COL5A3: variants seen among roughly 807,000 people sequenced by gnomAD.
COL5A3 encodes collagen type V alpha 3 chain, also known as collagen alpha-3(V) chain.
COL5A3 carries 172 observed loss-of-function variants against 250.0 expected under a neutral mutation model. That is an observed-to-expected ratio of 0.69 (90% CI 0.61 to 0.78). COL5A3 has a LOEUF of 0.78. Ranked by LOEUF, COL5A3 falls within the 30% of genes least tolerant of loss-of-function variation. The probability of loss-of-function intolerance (pLI) is 0.00; values close to 1 mark genes in which losing one functional copy is unlikely to be tolerated. For missense variants in COL5A3, 2,340 were observed against 2,334.4 expected, an observed-to-expected ratio of 1.00 and a Z score of -0.05; for synonymous variants, 937 against 900.4, an observed-to-expected ratio of 1.04 and a Z score of -0.73.
rs980472648 is a variant in COL5A3 at position 9,960,985 on chromosome 19, C to T, written c.4852-95G>A. On this transcript the variant is annotated intron_variant, in intron 65 of 66. Coordinates refer to ENST00000264828, the MANE Select transcript of COL5A3 (RefSeq NM_015719.4). ...GAATCTCCATCCACTGGCAGACAAG[C>T]CACCCCCCCCATGTCACCATCTCTG... is the stretch of plus-strand genomic sequence containing the variant. The T allele has an allele frequency of 6.8e-6, 10 of 1,471,076 alleles. No individual in the cohort carries two copies. In the East Asian group the frequency reaches 2.3e-4, roughly 33 times the overall value. The allele number at this position is 1,471,076 out of a possible 1,614,324, so 91.1% of individuals were successfully genotyped here. A position where few individuals can be genotyped will look rare whatever the true frequency, so the allele number is the denominator to read the frequency against.
chr19:9,966,747 C>A lies in COL5A3; in HGVS notation c.4459-1G>T. The A allele has an allele frequency of 6.5e-7, 1 of 1,532,570 alleles. No individual in the cohort carries two copies. 94.9% of individuals were successfully genotyped at this position (1,532,570 alleles called of 1,614,324 possible). A position where few individuals can be genotyped will look rare whatever the true frequency, so the allele number is the denominator to read the frequency against. On this transcript the variant is annotated splice_acceptor_variant, in intron 62 of 66. Transcript: ENST00000264828. LOFTEE classifies it high-confidence loss of function. ...GCCCATGCAGCTCGGCAGGGGCACC[C>A]TGGGCGTAGGGGATGGGGACGGAGA... is the stretch of plus-strand genomic sequence containing the variant.
intron 50 of COL5A3, 30 bp from the exon 51 acceptor site, chr19:9,973,056 G>A: frequency 6.4e-7 from 1 of 1,560,710 alleles, no homozygotes; most frequent in South Asian, 1.2e-5. Context: ...AGGTCAGAGT[G>A]GCCTGGACTC....
chr19:9,992,026 G>A lies in COL5A3; in HGVS notation c.1871C>T (p.Ala624Val), dbSNP rs2087200860. The change falls in exon 22 of 67, where the codon GCT becomes GTT. Residue 624 changes from alanine (A) to valine (V), a missense_variant. This residue lies in a region of COL5A3 where 1,152 missense variants were observed against 1,146.3 expected (regional missense o/e 1.00). Coordinates refer to ENST00000264828, the MANE Select transcript of COL5A3 (RefSeq NM_015719.4). ...TACCACATTGCCTTTGGCACCAGGA[G>A]CACCATCAATTCCAGTCACACCCTA... Reference protein sequence around the residue: ...GRPGVTGIDGAPGAKGNVGPP... With the variant: ...GRPGVTGIDGVPGAKGNVGPP... 3 of 1,613,670 alleles carry A rather than the reference G, an allele frequency of 1.9e-6. No individual in the cohort carries two copies. The highest frequency in any genetic ancestry group is 1.1e-5 in the South Asian group (1 of 91,054).
At chr19:10,001,080 C>T (rs1044326598) in intron 8 of COL5A3, among the ~76,000 whole-genome samples, 1 of 151,930 alleles carries the variant, frequency 6.6e-6, no homozygotes, top group African/African-American at 2.4e-5. Flanking sequence ...TGCACTTGTA[C>T]CCCTGAACTT....
chr19:10,001,471 T>G, intron 8 of COL5A3, 53 bp downstream of exon 8: 2 of 1,556,900 alleles, frequency 1.3e-6, no homozygotes, highest in Non-Finnish European at 8.7e-7. Context: ...TTAAAAAAAT[T>G]TTAATAGGAA....
intron 31 of COL5A3, among the ~76,000 whole-genome samples, 167 bp downstream of exon 31, chr19:9,985,675 G>C (rs1053303801): frequency 6.6e-6 from 1 of 152,082 alleles, no homozygotes; most frequent in African/African-American, 2.4e-5. Context: ...CAGGGTGCTG[G>C]GATTATAGCC....
chr19:9,975,528 C>A (rs983031856), intron 45 of COL5A3, among the ~76,000 whole-genome samples: 2 of 152,112 alleles, frequency 1.3e-5, no homozygotes, highest in Non-Finnish European at 2.9e-5. Context: ...AGGGGCAGAT[C>A]AAAGTTGAGC....
At chr19:9,973,511 GC>G in intron 50 of COL5A3, 58 bp downstream of exon 50, 1 of 1,547,042 alleles carries the variant, frequency 6.5e-7, no homozygotes. Context: ...GGCCCAAGAT[GC>G]CCAGGGGTCA....
At chr19:9,961,088 C>T (rs969680577) in intron 65 of COL5A3, among the ~76,000 whole-genome samples, 198 bp from the exon 66 acceptor site, 4 of 152,264 alleles carry the variant, frequency 2.6e-5, no homozygotes, top group African/African-American at 9.6e-5. Context: ...TCCACCTCTC[C>T]ATCCAGTAGG....
At chr19:9,966,475 A>G (rs747211641) in intron 63 of COL5A3, 49 bp from the exon 64 acceptor site, 2 of 1,566,256 alleles carry the variant, frequency 1.3e-6, no homozygotes, top group South Asian at 1.2e-5. Flanking sequence ...GACCCGACGG[A>G]CCCCAACCCC....
At position 9,974,215 on chromosome 19, in the gene COL5A3, C is replaced by G. The variant is rs756348875; in HGVS notation, c.3460G>C (p.Gly1154Arg). 6.2e-7 allele frequency: 1 copy of G among 1,614,034 alleles called. No homozygotes were observed. The highest frequency in any genetic ancestry group is 8.5e-7 in the Non-Finnish European group (1 of 1,179,978). The change falls in exon 47 of 67, where the codon GGC (glycine) becomes CGC (arginine). Residue 1154 changes from glycine (G) to arginine (R), a missense_variant. Gly to Arg is a moderately radical substitution (Grantham distance 125). Around this residue, in one of 3 missense-constraint regions of COL5A3, gnomAD observed 1,179 missense variants for 1,162.6 expected, o/e 1.01. Transcript: ENST00000264828. ...ACCTCCCCTTTCTCTCCCGGAGGGC[C>G]TGGCAGCCCCTGTGGAACAAAGAAG... ...IGPPGLQGLP[G>R]PPGEKGEVGD...
chr19:9,970,606 G>A lies in COL5A3; in HGVS notation c.3936+16C>T. On this transcript the variant is annotated intron_variant, in intron 54 of 66. Transcript: ENST00000264828. ...TGTAGATAAGCTGAGGACCCAGGAG[G>A]TGGCTTATCACTTACCCTCTTGCCG... 3 of 1,429,796 alleles carry A rather than the reference G, an allele frequency of 2.1e-6. No homozygotes were observed. The highest frequency in any genetic ancestry group is 2.9e-5 in the Admixed American group (1 of 34,326). 88.6% of individuals were successfully genotyped at this position (1,429,796 alleles called of 1,614,324 possible).
rs148553642 is a variant in COL5A3, at chr19:9,991,441, C to G, written c.1992+169G>C. ...CTTGGTGGGTTTCTGTTTCTTGCAA[C>G]CAATCCTTCCCCAACAAGGACACTT... On this transcript the variant is annotated intron_variant, in intron 24 of 66. Transcript: ENST00000264828. Among the ~76,000 whole-genome samples, 481 of 152,206 alleles carry G rather than the reference C, an allele frequency of 3.2e-3. 2 individuals carry two copies. Among genetic ancestry groups the G allele is most frequent in the African/African-American group, 0.011 (461 of 41,514 alleles).
At chr19:9,971,141 G>T in intron 52 of COL5A3, 64 bp downstream of exon 52, 1 of 1,416,628 alleles carries the variant, frequency 7.1e-7, no homozygotes, top group Non-Finnish European at 9.5e-7. Flanking sequence ...CCAGGTCTGT[G>T]GGGGTAGGGA....
In COL5A3 at chr19:10,001,721, C is replaced by T. The variant is rs1177623768; in HGVS notation, c.963+47G>A. 4 of 1,612,420 alleles carry T rather than the reference C, an allele frequency of 2.5e-6. No individual in the cohort carries two copies. The Admixed American group carries it at 6.7e-5, about 27-fold the overall frequency. ...TTTTCCCTGACCTCCTTATTTTCTG[C>T]CACCCCCGTAACCCTTGGGGTCTCC... On this transcript the variant is annotated intron_variant, in intron 7 of 66. Transcript: ENST00000264828.
intron 4 of COL5A3, among the ~76,000 whole-genome samples, chr19:10,004,523 G>T (rs1190150022): frequency 1.3e-5 from 2 of 152,188 alleles, no homozygotes; most frequent in Non-Finnish European, 2.9e-5. Flanking sequence ...TAAAGACAAG[G>T]TTTTGCCATG....
At chr19:9,972,507 T>A (rs1344851200) in intron 51 of COL5A3, among the ~76,000 whole-genome samples, 2 of 152,302 alleles carry the variant, frequency 1.3e-5, no homozygotes, top group South Asian at 2.1e-4. Flanking sequence ...ACTCATGAGA[T>A]CAGTAAATTA....
chr19:9,967,928 TC>T lies in COL5A3; in HGVS notation c.4379del (p.Gly1460AspfsTer64). On this transcript the variant is annotated frameshift_variant, in exon 61 of 67. Coordinates refer to ENST00000264828, the MANE Select transcript of COL5A3 (RefSeq NM_015719.4). LOFTEE classifies it high-confidence loss of function. Reference sequence around the variant, plus strand: ...CCGGAGACCCTTTTGAGCCTTTCTGTCCTAGAGGGCCCTGTAGGGTACAGAC... The same window carrying T: ...CCGGAGACCCTTTTGAGCCTTTCTGTCTAGAGGGCCCTGTAGGGTACAGAC... ...PGPPGVAGPL[G>X]QKGSKGSPGS... 6.2e-7 allele frequency: 1 copy of T among 1,613,192 alleles called. No homozygotes were observed.
In COL5A3 at chr19:10,010,324, A is replaced by G; in HGVS notation, c.62T>C (p.Leu21Pro). Reference protein sequence around the residue: ...RAGLCLLLAALQLLPGTQADP... With the variant: ...RAGLCLLLAAPQLLPGTQADP... ...GGCCTGCGTCCCCGGCAGAAGCTGC[A>G]GCGCGGCCAGGAGCAGGCAGAGACC... Residue 21 changes from leucine (L) to proline (P), a missense_variant, in exon 1 of 67, where the codon CTG becomes CCG. Leu to Pro is a moderately conservative substitution (Grantham distance 98). Transcript: ENST00000264828. The G allele has an allele frequency of 6.8e-7, 1 of 1,466,640 alleles. No homozygotes were observed. The highest frequency in any genetic ancestry group is 9.0e-7 in the Non-Finnish European group (1 of 1,105,556). 90.9% of individuals were successfully genotyped at this position (1,466,640 alleles called of 1,614,324 possible). A position where few individuals can be genotyped will look rare whatever the true frequency, so the allele number is the denominator to read the frequency against.
Sources: gnomAD v4.1 joint callset for allele counts (sites outside exome capture counted in the v4.1 genomes callset) on GRCh38, gnomAD v4.1.1 for gene constraint, gnomAD v4.1.1 regional missense constraint, MANE v1.5 for transcripts, NCBI Gene and HGNC (gene_info 2026-07-23, HGNC 2026-07-21) for gene names.